Variants in CNTNAP2 observed in about 807,000 individuals in gnomAD.
The protein encoded by CNTNAP2 is contactin-associated protein-like 2.
A neutral mutation model predicts 155.2 loss-of-function variants in CNTNAP2; 98 were observed. That is an observed-to-expected ratio of 0.63 (90% CI 0.54 to 0.75). CNTNAP2 has a LOEUF of 0.75. Among genes scored for constraint, CNTNAP2 ranks in the 30% least tolerant of loss-of-function variants. The pLI is 0.00. For synonymous variants in CNTNAP2, 651 were observed against 631.2 expected (o/e 1.03, Z -0.47); for missense variants, 1,727 against 1,688.1 (o/e 1.02, Z -0.40).
intron 3 of CNTNAP2, among the ~76,000 whole-genome samples, chr7:146,851,982 G>C (rs997063821): frequency 6.6e-6 from 1 of 151,846 alleles, no homozygotes; most frequent in Non-Finnish European, 1.5e-5. Flanking sequence ...CACTGTGGCT[G>C]GCCTTGTTTT....
chr7:146,136,633 G>A (rs1468497478), intron 1 of CNTNAP2, among the ~76,000 whole-genome samples: 1 of 151,008 alleles, frequency 6.6e-6, no homozygotes, highest in Non-Finnish European at 1.5e-5. Context: ...GCGTTGGTGT[G>A]ATTGTTGGTT....
intron 1 of CNTNAP2, among the ~76,000 whole-genome samples, chr7:146,724,857 C>T (rs1352941648): frequency 6.6e-6 from 1 of 152,136 alleles, no homozygotes; most frequent in Non-Finnish European, 1.5e-5. Context: ...GCGTGAGCCA[C>T]CATGCCTGGC....
chr7:146,578,831 A>G (rs936513144), intron 1 of CNTNAP2, among the ~76,000 whole-genome samples: 2 of 152,176 alleles, frequency 1.3e-5, no homozygotes, highest in African/African-American at 4.8e-5. Context: ...GTAGACAGTT[A>G]GTAAATGTGA....
chr7:146,860,879 C>G (rs1795085454), intron 3 of CNTNAP2, among the ~76,000 whole-genome samples: 1 of 152,010 alleles, frequency 6.6e-6, no homozygotes, highest in Non-Finnish European at 1.5e-5. Context: ...TAATTAATAA[C>G]CATGATGTCT....
intron 1 of CNTNAP2, among the ~76,000 whole-genome samples, chr7:146,720,989 GTA>G (rs763130498): frequency 1.3e-4 from 13 of 96,942 alleles, no homozygotes; most frequent in East Asian, 5.9e-4. Context: ...TATATATACT[GTA>G]TATATATAGT....
intron 3 of CNTNAP2, among the ~76,000 whole-genome samples, chr7:146,910,925 C>G (rs1562997902): frequency 6.6e-6 from 1 of 151,060 alleles, no homozygotes; most frequent in Non-Finnish European, 1.5e-5. Context: ...GAGCTAATAT[C>G]CAGAATCTGC....
At chr7:146,408,156 C>T (rs1362142452) in intron 1 of CNTNAP2, among the ~76,000 whole-genome samples, 1 of 152,126 alleles carries the variant, frequency 6.6e-6, no homozygotes, top group African/African-American at 2.4e-5. Context: ...AAAAAAGTCA[C>T]ACAAATCTTC....
chr7:146,499,573 T>G (rs1797270015), intron 1 of CNTNAP2, among the ~76,000 whole-genome samples: 1 of 152,132 alleles, frequency 6.6e-6, no homozygotes, highest in Non-Finnish European at 1.5e-5. Context: ...TTAGCTTCTT[T>G]TTTTTATCCC....
intron 21 of CNTNAP2, among the ~76,000 whole-genome samples, chr7:148,382,816 A>G (rs1238312644): frequency 6.6e-6 from 1 of 152,220 alleles, no homozygotes; most frequent in Non-Finnish European, 1.5e-5. Flanking sequence ...CCCACTAGCT[A>G]AGGGCTCTTA....
At chr7:146,656,570 T>C (rs1799998633) in intron 1 of CNTNAP2, among the ~76,000 whole-genome samples, 1 of 152,042 alleles carries the variant, frequency 6.6e-6, no homozygotes, top group Non-Finnish European at 1.5e-5. Context: ...AGTCTGTTGG[T>C]TTCCCAAACA....
chr7:147,867,144 G>A lies in CNTNAP2; in HGVS notation c.2099-36421G>A, dbSNP rs980507136. Among the ~76,000 whole-genome samples the A allele has an allele frequency of 7.2e-5, 11 of 152,254 alleles. No homozygotes were observed. In the South Asian group the frequency reaches 2.3e-3, roughly 32 times the overall value. On this transcript the variant is annotated intron_variant, in intron 13 of 23. Transcript: ENST00000361727. Reference sequence around the variant, plus strand: ...CAGGAGCTCTTGTAGGGCAGGCCTGGTGGTGACAAAATCTCTCAGCATTTG... The same window carrying A: ...CAGGAGCTCTTGTAGGGCAGGCCTGATGGTGACAAAATCTCTCAGCATTTG...
At chr7:147,407,926 T>C (rs563673938) in intron 10 of CNTNAP2, among the ~76,000 whole-genome samples, 7 of 152,302 alleles carry the variant, frequency 4.6e-5, no homozygotes, top group Non-Finnish European at 1.0e-4. Flanking sequence ...GAGGCACAGA[T>C]AACCATGTCC....
intron 13 of CNTNAP2, among the ~76,000 whole-genome samples, chr7:147,833,187 G>T (rs1486713345): frequency 1.4e-4 from 21 of 151,212 alleles, no homozygotes; most frequent in African/African-American, 4.6e-4. Context: ...AACAAAATAG[G>T]GGTATAAAAA....
intron 15 of CNTNAP2, among the ~76,000 whole-genome samples, chr7:148,024,157 T>TAAAAAAAAAAAAAAAAAAA (rs34591496): frequency 3.7e-5 from 4 of 107,598 alleles, no homozygotes; most frequent in African/African-American, 1.4e-4. Flanking sequence ...CTTTAAAGTG[T>TAAAAAAAAAAAAAAAAAAA]AAAAAAAAAA....
At chr7:147,459,279 T>C (rs1797975332) in intron 10 of CNTNAP2, among the ~76,000 whole-genome samples, 1 of 152,218 alleles carries the variant, frequency 6.6e-6, no homozygotes, top group African/African-American at 2.4e-5. Context: ...ATTTCTTTTA[T>C]CCTCTCTCCA....
chr7:147,482,669 C>T (rs1368238165), intron 10 of CNTNAP2, among the ~76,000 whole-genome samples: 1 of 151,484 alleles, frequency 6.6e-6, no homozygotes, highest in Non-Finnish European at 1.5e-5. Context: ...TGCAGTGAGC[C>T]GAGATCGCGC....
At chr7:147,035,821 T>C (rs531679732) in intron 3 of CNTNAP2, among the ~76,000 whole-genome samples, 1 of 152,004 alleles carries the variant, frequency 6.6e-6, no homozygotes, top group Admixed American at 6.5e-5. Context: ...ATTCTCATCA[T>C]AAAATAATTT....
intron 9 of CNTNAP2, among the ~76,000 whole-genome samples, chr7:147,312,867 C>A (rs1215131819): frequency 7.8e-6 from 1 of 128,562 alleles, no homozygotes; most frequent in Non-Finnish European, 1.6e-5. Flanking sequence ...AACTAGTTTA[C>A]AGTCCCACCA....
intron 15 of CNTNAP2, among the ~76,000 whole-genome samples, chr7:147,990,263 G>A (rs1183034061): frequency 6.6e-6 from 1 of 152,174 alleles, no homozygotes; most frequent in Non-Finnish European, 1.5e-5. Flanking sequence ...AGAATTGTAG[G>A]AGTTAAAGAA....
Sources: allele counts gnomAD v4.1 joint callset (sites outside exome capture counted in the v4.1 genomes callset), GRCh38; gene constraint gnomAD v4.1.1; transcripts MANE v1.5; gene names NCBI Gene and HGNC (gene_info 2026-07-23, HGNC 2026-07-21).